The following NCKAP5 variants were observed in gnomAD, a reference collection of about 807,000 sequenced individuals.
NCKAP5 encodes the protein nck-associated protein 5.
A neutral mutation model predicts 167.0 loss-of-function variants in NCKAP5; 92 were observed. The observed-to-expected ratio is 0.55, with a 90% CI of 0.47 to 0.66. The LOEUF is 0.66. Among genes scored for constraint, NCKAP5 ranks in the 30% least tolerant of loss-of-function variants. The pLI is 0.00. For synonymous variants in NCKAP5, 891 were observed against 877.4 expected (o/e 1.02, Z -0.27); for missense variants, 2,378 against 2,315.0 (o/e 1.03, Z -0.56).
intron 3 of NCKAP5, among the ~76,000 whole-genome samples, chr2:133,514,418 C>T (rs1423813203): frequency 6.6e-6 from 1 of 152,112 alleles, no homozygotes; most frequent in Non-Finnish European, 1.5e-5. Context: ...TTGTTTTCCC[C>T]AATTGGAGCT....
At chr2:133,138,431 A>G (rs1205915893) in intron 5 of NCKAP5, among the ~76,000 whole-genome samples, 2 of 152,222 alleles carry the variant, frequency 1.3e-5, no homozygotes, top group East Asian at 3.8e-4. Context: ...AACAAAAAGT[A>G]ATACAGTTTT....
At chr2:132,998,297 C>T (rs2077668183) in intron 6 of NCKAP5, among the ~76,000 whole-genome samples, 1 of 152,140 alleles carries the variant, frequency 6.6e-6, no homozygotes, top group African/African-American at 2.4e-5. Flanking sequence ...ACCTTTCCCC[C>T]ATTTTTCTTG....
intron 2 of NCKAP5, among the ~76,000 whole-genome samples, chr2:133,555,613 C>T (rs529269751): frequency 6.6e-5 from 10 of 152,336 alleles, no homozygotes; most frequent in Non-Finnish European, 1.5e-4. Flanking sequence ...AACTTCCATT[C>T]TTAGTCATAG....
At chr2:132,744,967 A>G (rs1281180028) in intron 16 of NCKAP5, among the ~76,000 whole-genome samples, 1 of 151,890 alleles carries the variant, frequency 6.6e-6, no homozygotes, top group African/African-American at 2.4e-5. Flanking sequence ...ATTTGGAATT[A>G]AAAATATTTT....
At chr2:132,947,123 G>A (rs1697812461) in intron 8 of NCKAP5, among the ~76,000 whole-genome samples, 1 of 152,140 alleles carries the variant, frequency 6.6e-6, no homozygotes, top group South Asian at 2.1e-4. Flanking sequence ...TCAAATACAG[G>A]TGGCAATCCT....
the NCKAP5 span, among the ~76,000 whole-genome samples, chr2:133,594,601 T>C: frequency 1.3e-5 from 2 of 152,206 alleles, no homozygotes; most frequent in African/African-American, 4.8e-5. Context: ...TTCTAGCCCC[T>C]GATTGCTCTT....
intron 5 of NCKAP5, among the ~76,000 whole-genome samples, chr2:133,153,299 G>A (rs1559198831): frequency 6.6e-6 from 1 of 152,100 alleles, no homozygotes; most frequent in African/African-American, 2.4e-5. Context: ...CAATAATAGT[G>A]TAGCAATATT....
chr2:133,408,029 CTCATTTCACAACTGAAAAA>C (rs1688546407), intron 3 of NCKAP5, among the ~76,000 whole-genome samples: 2 of 152,148 alleles, frequency 1.3e-5, no homozygotes, highest in Non-Finnish European at 2.9e-5. Flanking sequence ...GTCCACAGCC[CTCATTTCACAACTGAAAAA>C]TCAGAGGGTC....
intron 2 of NCKAP5, among the ~76,000 whole-genome samples, chr2:133,541,217 T>C (rs2104886811): frequency 6.6e-6 from 1 of 152,008 alleles, no homozygotes; most frequent in East Asian, 1.9e-4. Context: ...TGAAGGTAAC[T>C]TCATGAATTT....
chr2:132,860,626 T>C lies in NCKAP5; in HGVS notation c.688-15A>G, dbSNP rs1316978256. The C allele has an allele frequency of 7.1e-6, 11 of 1,558,112 alleles. No homozygotes were observed. Among genetic ancestry groups the C allele is most frequent in the Non-Finnish European group, 9.6e-6 (11 of 1,149,710 alleles). On this transcript the variant is annotated splice_polypyrimidine_tract_variant and intron_variant, in intron 10 of 19. Transcript: ENST00000409261. ...TCTCTTAGATCCTACAACAAACACA[T>C]CGAAGGAGGAAAAAGTCCATAACTG...
At chr2:133,288,632 T>G (rs1049489804) in intron 4 of NCKAP5, among the ~76,000 whole-genome samples, 11 of 152,070 alleles carry the variant, frequency 7.2e-5, no homozygotes, top group Admixed American at 7.2e-4. Context: ...CATTATTCAA[T>G]AGAATAATTT....
chr2:133,423,410 T>A (rs2151098956), intron 3 of NCKAP5, among the ~76,000 whole-genome samples: 1 of 152,320 alleles, frequency 6.6e-6, no homozygotes, highest in Non-Finnish European at 1.5e-5. Context: ...GTCATGAAAC[T>A]GAAGTGAAGT....
intron 19 of NCKAP5, among the ~76,000 whole-genome samples, chr2:132,696,014 C>G (rs1447499586): frequency 6.6e-6 from 1 of 152,146 alleles, no homozygotes; most frequent in Admixed American, 6.5e-5. Flanking sequence ...TCACCCAACA[C>G]AAGGTAATAA....
chr2:132,782,788 G>T lies in NCKAP5; in HGVS notation c.4023C>A (p.Pro1341=), dbSNP rs534076767. ...MLESLPSVGR[P]SGHPSSGKGS... is the part of the protein sequence containing the mutation. The stretch of plus-strand genomic sequence containing the variant: ...CCTTCCCGGAGGAGGGGTGCCCCGA[G>T]GGCCTCCCAACACTGGGGAGACTCT... Residue 1341 remains proline (P), a synonymous_variant, in exon 14 of 20, where the codon CCC becomes CCA. Coordinates refer to ENST00000409261, the MANE Select transcript of NCKAP5 (RefSeq NM_207363.3). 2.5e-6 allele frequency: 4 copies of T among 1,613,894 alleles called. No individual in the cohort carries two copies. In the South Asian group the frequency reaches 4.4e-5, roughly 18 times the overall value.
At chr2:133,465,390 T>G (rs1692503647) in intron 3 of NCKAP5, among the ~76,000 whole-genome samples, 1 of 151,844 alleles carries the variant, frequency 6.6e-6, no homozygotes, top group South Asian at 2.1e-4. Flanking sequence ...TGCCACATTT[T>G]CTTAATCCAG....
chr2:132,901,746 T>C (rs2148913590), intron 8 of NCKAP5, among the ~76,000 whole-genome samples: 1 of 152,320 alleles, frequency 6.6e-6, no homozygotes, highest in East Asian at 1.9e-4. Flanking sequence ...GATAGGACTA[T>C]AGAAAGAATT....
intron 2 of NCKAP5, among the ~76,000 whole-genome samples, chr2:133,543,959 C>T (rs951940680): frequency 1.3e-5 from 2 of 152,174 alleles, no homozygotes; most frequent in African/African-American, 4.8e-5. Context: ...ATCTCTATCC[C>T]AGTACTGAAT....
At chr2:133,674,599 C>T in the NCKAP5 span, among the ~76,000 whole-genome samples, 1 of 152,098 alleles carries the variant, frequency 6.6e-6, no homozygotes, top group Non-Finnish European at 1.5e-5. Context: ...GCACTTAACA[C>T]ATTGGGTGCT....
At chr2:133,353,898 G>A (rs1684531773) in intron 3 of NCKAP5, among the ~76,000 whole-genome samples, 1 of 152,120 alleles carries the variant, frequency 6.6e-6, no homozygotes, top group African/African-American at 2.4e-5. Flanking sequence ...CATCCTTCAA[G>A]ACCTGCTTCT....
Sources: gnomAD v4.1 joint callset for allele counts (sites outside exome capture counted in the v4.1 genomes callset) on GRCh38, gnomAD v4.1.1 for gene constraint, MANE v1.5 for transcripts, NCBI Gene and HGNC (gene_info 2026-07-23, HGNC 2026-07-21) for gene names.